Variants in FAM174A observed in about 807,000 individuals in gnomAD.
The protein encoded by FAM174A is membrane protein FAM174A.
A neutral mutation model predicts 14.3 loss-of-function variants in FAM174A; 14 were observed. The observed-to-expected ratio is 0.98, with a 90% confidence interval of 0.65 to 1.53. The LOEUF (loss-of-function observed/expected upper bound fraction) is 1.53. FAM174A is among the 40% of genes most tolerant of loss of function. The pLI is 0.00. For missense variants in FAM174A, 241 were observed against 249.6 expected (o/e 0.97, Z 0.23); for synonymous variants, 108 against 111.4 (o/e 0.97, Z 0.19).
intron 1 of FAM174A, 124 bp from the exon 2 acceptor site, chr5:100,561,930 C>A (rs1037596685): frequency 1.1e-5 from 6 of 540,326 alleles, no homozygotes; most frequent in Admixed American, 4.1e-5. Flanking sequence ...TGTTGCATAT[C>A]TGAAATGTAA....
chr5:100,568,180 C>A (rs866699896), intron 2 of FAM174A, among the ~76,000 whole-genome samples: 1 of 151,782 alleles, frequency 6.6e-6, no homozygotes, highest in Non-Finnish European at 1.5e-5. Context: ...GTTCATAATT[C>A]ATTGCTGTAC....
At chr5:100,556,658 G>C (rs576095013) in intron 1 of FAM174A, among the ~76,000 whole-genome samples, 2 of 151,920 alleles carry the variant, frequency 1.3e-5, no homozygotes, top group Admixed American at 1.3e-4. Context: ...GGTCCTTCAC[G>C]TCCCTTGTAA....
intron 1 of FAM174A, among the ~76,000 whole-genome samples, chr5:100,555,140 C>T (rs1005136465): frequency 1.3e-5 from 2 of 150,622 alleles, no homozygotes; most frequent in Admixed American, 6.6e-5. Context: ...CATGTGTTCT[C>T]ATTGTTCAAT....
At position 100,584,487 on chromosome 5, in the gene FAM174A, G is replaced by C. The variant is rs146179864; in HGVS notation, c.570-1694G>C. Among the ~76,000 whole-genome samples, 38 of 152,144 alleles carry C rather than the reference G, an allele frequency of 2.5e-4. No individual in the cohort carries two copies. The East Asian group carries it at 7.1e-3, about 29-fold the overall frequency. On this transcript the variant is annotated intron_variant, in intron 2 of 2. Coordinates refer to ENST00000312637, the MANE Select transcript of FAM174A (RefSeq NM_198507.3). ...CAGAAGCTGCTTCTCCTTTTAGCTT[G>C]ACAATTTTTTTAAGCCAAACCTCTT...
chr5:100,535,539 C>CTCG lies in FAM174A; in HGVS notation c.10_12dup (p.Ser4dup). 1 of 1,612,908 alleles carries CTCG rather than the reference C, an allele frequency of 6.2e-7. No homozygotes were observed. On this transcript the variant is annotated inframe_insertion, in exon 1 of 3. Coordinates refer to ENST00000312637, the MANE Select transcript of FAM174A (RefSeq NM_198507.3). The stretch of plus-strand genomic sequence containing the variant: ...AGAGCGGTCCGGGAACGATGAAGGC[C>CTCG]TCGCAGTGCTGCTGCTGTCTCAGCC...
intron 1 of FAM174A, among the ~76,000 whole-genome samples, chr5:100,548,612 G>A (rs560024623): frequency 1.6e-4 from 25 of 152,120 alleles, no homozygotes; most frequent in African/African-American, 2.2e-4. Flanking sequence ...CAGCTTACTC[G>A]TGTATGAATC....
Position 100,535,974 on chromosome 5 carries a change from A to C in FAM174A, c.434+10A>C. 6.4e-7 allele frequency: 1 copy of C among 1,556,526 alleles called. No individual in the cohort carries two copies. The highest frequency in any genetic ancestry group is 8.7e-7 in the Non-Finnish European group (1 of 1,146,106). On this transcript the variant is annotated intron_variant, in intron 1 of 2. Coordinates refer to ENST00000312637, the MANE Select transcript of FAM174A (RefSeq NM_198507.3). ...TGGTCAGGACGGTCAGGTGAGGCAAAGCCTCGGTGGGGCACCCCCGTGGGC... is the reference window on the plus strand; with the variant it reads ...TGGTCAGGACGGTCAGGTGAGGCAACGCCTCGGTGGGGCACCCCCGTGGGC...
At position 100,571,754 on chromosome 5, in the gene FAM174A, T is replaced by C. The variant is rs538828705; in HGVS notation, c.569+9566T>C. On this transcript the variant is annotated intron_variant, in intron 2 of 2. Transcript: ENST00000312637. ...ATAAAGTAATAGAAAGGTTGAGAAA[T>C]GTGGCATCTTTTACTGTTGTTATTG... Among the ~76,000 whole-genome samples the C allele has an allele frequency of 2.3e-4, 34 of 150,468 alleles. No homozygotes were observed. In the South Asian group the frequency reaches 7.1e-3, roughly 32 times the overall value.
Position 100,562,199 on chromosome 5 carries a change from C to T in FAM174A, c.569+11C>T, listed in dbSNP as rs749457841. 30 of 1,563,488 alleles carry T rather than the reference C, an allele frequency of 1.9e-5. No individual in the cohort carries two copies. The Middle Eastern group carries it at 1.5e-3, about 79-fold the overall frequency. On this transcript the variant is annotated intron_variant, in intron 2 of 2. Coordinates refer to ENST00000312637, the MANE Select transcript of FAM174A (RefSeq NM_198507.3). ...CAATCATCCTCGAAGGTAAGTATTC[C>T]AGTAGTTTAATTCCATGAATCAGGA...
At chr5:100,581,561 TTA>T (rs1747017953) in intron 2 of FAM174A, 1 of 144,204 alleles carries the variant, frequency 6.9e-6, no homozygotes, top group African/African-American at 3.8e-5. Context: ...AAGACCTCGC[TTA>T]AGGCTGGAAG....
intron 2 of FAM174A, among the ~76,000 whole-genome samples, chr5:100,581,007 C>T (rs1056723654): frequency 6.6e-6 from 1 of 152,164 alleles, no homozygotes; most frequent in Non-Finnish European, 1.5e-5. Flanking sequence ...CAGCTCACTG[C>T]AACCTCTGCC....
intron 2 of FAM174A, among the ~76,000 whole-genome samples, chr5:100,580,091 C>T (rs1746981411): frequency 6.6e-6 from 1 of 152,254 alleles, no homozygotes; most frequent in South Asian, 2.1e-4. Context: ...TTAAATTCAT[C>T]CTTATAACAC....
chr5:100,577,649 G>A (rs1417296470), intron 2 of FAM174A, among the ~76,000 whole-genome samples: 1 of 151,980 alleles, frequency 6.6e-6, no homozygotes, highest in African/African-American at 2.4e-5. Context: ...CATAGTATCA[G>A]AATAAACACT....
intron 1 of FAM174A, among the ~76,000 whole-genome samples, chr5:100,541,147 C>G (rs1746042752): frequency 6.6e-6 from 1 of 152,162 alleles, no homozygotes; most frequent in African/African-American, 2.4e-5. Context: ...TGTTATATCT[C>G]TCAAACTTCT....
intron 2 of FAM174A, among the ~76,000 whole-genome samples, chr5:100,567,016 G>C (rs1746668779): frequency 6.6e-6 from 1 of 151,802 alleles, no homozygotes; most frequent in Non-Finnish European, 1.5e-5. Flanking sequence ...AAGGCAGAGA[G>C]GAGTGAATTA....
chr5:100,536,244 G>A (rs1016791177), intron 1 of FAM174A, among the ~76,000 whole-genome samples: 2 of 152,296 alleles, frequency 1.3e-5, no homozygotes, highest in South Asian at 2.1e-4. Context: ...TCTCTGAAGT[G>A]AGGATAATCT....
At chr5:100,549,961 T>G (rs950900796) in intron 1 of FAM174A, among the ~76,000 whole-genome samples, 1 of 152,134 alleles carries the variant, frequency 6.6e-6, no homozygotes, top group African/African-American at 2.4e-5. Flanking sequence ...CAGGAATATC[T>G]TTAGCATTGA....
intron 1 of FAM174A, among the ~76,000 whole-genome samples, chr5:100,540,195 G>A (rs566147005): frequency 2.0e-5 from 3 of 152,146 alleles, no homozygotes; most frequent in African/African-American, 7.2e-5. Flanking sequence ...AAGTCTTGTG[G>A]TACCAGCCCT....
In FAM174A at chr5:100,535,422, C is replaced by T. The variant is rs1745917353; in HGVS notation, c.-109C>T. On this transcript the variant is annotated 5_prime_UTR_variant, in exon 1 of 3. Transcript: ENST00000312637. The stretch of plus-strand genomic sequence containing the variant: ...CCACCTGCCACGACCGGGCCTCTCC[C>T]TGGCGTTTGGTCACCTCTGCTTCAT... The T allele has an allele frequency of 1.6e-6, 2 of 1,222,442 alleles. No homozygotes were observed. The highest frequency in any genetic ancestry group is 2.8e-5 in the South Asian group (2 of 70,824). The allele number at this position is 1,222,442 out of a possible 1,614,324, so 75.7% of individuals were successfully genotyped here.
Sources: allele counts gnomAD v4.1 joint callset (sites outside exome capture counted in the v4.1 genomes callset), GRCh38; gene constraint gnomAD v4.1.1; transcripts MANE v1.5; gene names NCBI Gene and HGNC (gene_info 2026-07-23, HGNC 2026-07-21).